The following CFAP69 variants were observed in gnomAD, a reference collection of about 807,000 sequenced individuals.
The protein encoded by CFAP69 is cilia and flagella associated protein 69.
CFAP69 carries 92 observed loss-of-function variants against 123.0 expected under a neutral mutation model. That is an observed-to-expected ratio of 0.75 (90% CI 0.63 to 0.89). CFAP69 has a LOEUF of 0.89. CFAP69 is among the 40% of genes least tolerant of loss of function. CFAP69 has a pLI of 0.00. For synonymous variants in CFAP69, 380 were observed against 364.3 expected, an observed-to-expected ratio of 1.04 and a Z score of -0.49; for missense variants, 1,067 against 1,096.9, an observed-to-expected ratio of 0.97 and a Z score of 0.39.
At chr7:90,255,858 TACAC>T (rs1258310811) in intron 2 of CFAP69, among the ~76,000 whole-genome samples, 1 of 152,108 alleles carries the variant, frequency 6.6e-6, no homozygotes. Flanking sequence ...TCAGGATAGA[TACAC>T]ACAAACATGT....
chr7:90,314,973 T>G (rs1794657630), downstream of CFAP69, among the ~76,000 whole-genome samples: 1 of 151,918 alleles, frequency 6.6e-6, no homozygotes, highest in Admixed American at 6.6e-5. Context: ...TCAAAAGATG[T>G]CATACATGGA....
intron 2 of CFAP69, among the ~76,000 whole-genome samples, chr7:90,257,380 G>C (rs1156686251): frequency 6.6e-6 from 1 of 152,114 alleles, no homozygotes; most frequent in Non-Finnish European, 1.5e-5. Flanking sequence ...AATGTGTAAT[G>C]ATCAAGTCAG....
the CFAP69 span, chr7:90,319,715 G>A: frequency 1.3e-5 from 5 of 398,366 alleles, no homozygotes; most frequent in Non-Finnish European, 1.8e-5. Context: ...CAGCCCAAAT[G>A]TAGATAGAAC....
intron 20 of CFAP69, 59 bp from the exon 21 acceptor site, chr7:90,307,709 G>A (rs1157715978): frequency 1.6e-5 from 17 of 1,090,088 alleles, no homozygotes; most frequent in Non-Finnish European, 2.2e-5. Flanking sequence ...GTGAGGTTCT[G>A]TCTCAAAAAA....
Position 90,277,114 on chromosome 7 carries a change from T to C in CFAP69, c.1026T>C (p.Phe342=). The C allele has an allele frequency of 6.3e-7, 1 of 1,579,738 alleles. No individual in the cohort carries two copies. The highest frequency in any genetic ancestry group is 8.6e-7 in the Non-Finnish European group (1 of 1,161,794). Residue 342 remains phenylalanine (F), a synonymous_variant, in exon 10 of 23, where the codon TTT becomes TTC. Transcript: ENST00000389297. ...AGGATTTGATACTGTTTGCCACCTTTAATGAAGGTAAAAAGAATAAAACTT... is the reference window on the plus strand; with the variant it reads ...AGGATTTGATACTGTTTGCCACCTTCAATGAAGGTAAAAAGAATAAAACTT... ...FTKDLILFAT[F]NEVKSQNLLV... is the part of the protein sequence containing the mutation.
intron 2 of CFAP69, among the ~76,000 whole-genome samples, chr7:90,256,249 AC>A: frequency 6.6e-6 from 1 of 152,144 alleles, no homozygotes; most frequent in Admixed American, 6.5e-5. Flanking sequence ...GAAGCTGGAA[AC>A]CATAATTCTC....
At chr7:90,259,035 T>A (rs931177964) in intron 3 of CFAP69, among the ~76,000 whole-genome samples, 10 of 152,206 alleles carry the variant, frequency 6.6e-5, no homozygotes, top group African/African-American at 1.4e-4. Context: ...CTTGATAATC[T>A]GCAAAATATT....
intron 3 of CFAP69, among the ~76,000 whole-genome samples, chr7:90,259,686 A>G (rs193146616): frequency 3.3e-5 from 5 of 152,040 alleles, no homozygotes; most frequent in Admixed American, 6.6e-5. Context: ...GAGTCTCATT[A>G]TGTTGTCCAG....
intron 9 of CFAP69, among the ~76,000 whole-genome samples, chr7:90,274,839 T>C (rs1018274543): frequency 6.6e-6 from 1 of 152,210 alleles, no homozygotes; most frequent in Non-Finnish European, 1.5e-5. Flanking sequence ...TAGAGCTTCT[T>C]GGATATATAA....
chr7:90,306,408 C>T (rs1342478613), intron 19 of CFAP69, among the ~76,000 whole-genome samples: 1 of 152,120 alleles, frequency 6.6e-6, no homozygotes, highest in East Asian at 1.9e-4. Flanking sequence ...GCTTGAGATT[C>T]CATTATAATT....
chr7:90,250,630 A>G (rs1205320313), intron 1 of CFAP69, among the ~76,000 whole-genome samples: 2 of 152,180 alleles, frequency 1.3e-5, no homozygotes, highest in Non-Finnish European at 2.9e-5. Flanking sequence ...GGTTTTGTGA[A>G]TGCTTTTACA....
Position 90,300,079 on chromosome 7 carries a change from T to A in CFAP69, c.2050+20T>A. On this transcript the variant is annotated intron_variant, in intron 17 of 22. Transcript: ENST00000389297. ...TCATTGGTGAGTATATTTATAATTG[T>A]TAGTAGAAGCAATTAATGTATATAT... is the stretch of plus-strand genomic sequence containing the variant. 6.6e-7 allele frequency: 1 copy of A among 1,506,256 alleles called. No homozygotes were observed. The highest frequency in any genetic ancestry group is 8.9e-7 in the Non-Finnish European group (1 of 1,121,448). The allele number at this position is 1,506,256 out of a possible 1,614,324, so 93.3% of individuals were successfully genotyped here. A position where few individuals can be genotyped will look rare whatever the true frequency, so the allele number is the denominator to read the frequency against.
chr7:90,309,413 A>C, intron 22 of CFAP69, 46 bp downstream of exon 22: 1 of 1,128,164 alleles, frequency 8.9e-7, no homozygotes, highest in East Asian at 2.5e-5. Flanking sequence ...CATTAAATTT[A>C]GAGTGTTTGA....
intron 1 of CFAP69, among the ~76,000 whole-genome samples, chr7:90,252,600 G>C (rs932435409): frequency 6.6e-6 from 1 of 152,178 alleles, no homozygotes; most frequent in Non-Finnish European, 1.5e-5. Flanking sequence ...AGCCTAGGGA[G>C]GTTGAGGTAA....
intron 17 of CFAP69, chr7:90,301,930 T>C (rs1041643200): frequency 5.9e-5 from 9 of 152,218 alleles, no homozygotes; most frequent in African/African-American, 2.2e-4. Flanking sequence ...TGAACTAATT[T>C]ACACTCCCAG....
At position 90,245,532 on chromosome 7, in the gene CFAP69, C is replaced by T. The variant is rs1796218426; in HGVS notation, c.108C>T (p.Asp36=). Residue 36 remains aspartate (D), a synonymous_variant, in exon 1 of 23, where the codon GAC becomes GAT. Coordinates refer to ENST00000389297, the MANE Select transcript of CFAP69 (RefSeq NM_001039706.3). ...CGGTGGTTGGGGTGGTGACGGAGGA[C>T]GATGAGGCGCAGGTATGAGCAGGTG... ...QIPVVGVVTE[D]DEAQDVFKPM... The T allele has an allele frequency of 2.0e-6, 3 of 1,502,600 alleles. No homozygotes were observed. The highest frequency in any genetic ancestry group is 5.4e-5 in the East Asian group (2 of 37,164). 93.1% of individuals were successfully genotyped at this position (1,502,600 alleles called of 1,614,324 possible).
intron 16 of CFAP69, among the ~76,000 whole-genome samples, chr7:90,298,405 A>G (rs960277888): frequency 1.3e-5 from 2 of 152,192 alleles, no homozygotes; most frequent in African/African-American, 4.8e-5. Flanking sequence ...TTCTAACTGG[A>G]ATCCATAGTC....
At chr7:90,246,816 A>T (rs1456916635) in intron 1 of CFAP69, among the ~76,000 whole-genome samples, 118 of 144,576 alleles carry the variant, frequency 8.2e-4, no homozygotes, top group African/African-American at 2.7e-3. Context: ...GCAAGCGTGG[A>T]TTTTTTTTTT....
chr7:90,284,707 C>A (rs1483257414), intron 13 of CFAP69, among the ~76,000 whole-genome samples: 1 of 152,086 alleles, frequency 6.6e-6, no homozygotes, highest in Non-Finnish European at 1.5e-5. Context: ...GAAGAGAAGG[C>A]CTTCAAGCAA....
Sources: allele counts gnomAD v4.1 joint callset (sites outside exome capture counted in the v4.1 genomes callset), GRCh38; gene constraint gnomAD v4.1.1; transcripts MANE v1.5; gene names NCBI Gene and HGNC (gene_info 2026-07-23, HGNC 2026-07-21).